Variants in MYO19 observed in about 807,000 individuals in gnomAD.
MYO19 encodes myosin XIX.
In MYO19, 132 loss-of-function variants were observed where a neutral mutation model predicts 129.2. The observed-to-expected ratio is 1.02, with a 90% CI of 0.89 to 1.18. The LOEUF (loss-of-function observed/expected upper bound fraction) is 1.18, where lower values mean the gene tolerates loss of function less well. Among genes scored for constraint, MYO19 ranks in the 50% most tolerant of loss-of-function variants. The pLI is 0.00. For missense variants in MYO19, 1,210 were observed against 1,216.7 expected (o/e 0.99, Z 0.08); for synonymous variants, 531 against 477.2 (o/e 1.11, Z -1.47).
intron 9 of MYO19, 41 bp downstream of exon 9, chr17:36,514,403 CCT>C (rs946613002): frequency 7.7e-7 from 1 of 1,297,862 alleles, no homozygotes; most frequent in South Asian, 1.2e-5. Context: ...CGGACCCATC[CCT>C]GTCTCGCATC....
intron 1 of MYO19, chr17:36,543,105 T>A (rs534076684): frequency 2.0e-5 from 3 of 152,158 alleles, no homozygotes; most frequent in Non-Finnish European, 4.4e-5. Context: ...ACATACGTAT[T>A]AGATTCAAGC....
chr17:36,509,150 G>C lies in MYO19; in HGVS notation c.1158-15C>G. The stretch of plus-strand genomic sequence containing the variant: ...AGTCAAACAACCTGTTGGGGGAAGA[G>C]AGTGGACTCTGGTAAGAGGGTCTGG... On this transcript the variant is annotated splice_polypyrimidine_tract_variant and intron_variant, in intron 13 of 25. Transcript: ENST00000614623. 6.2e-7 allele frequency: 1 copy of C among 1,613,012 alleles called. No homozygotes were observed. Among genetic ancestry groups the C allele is most frequent in the Non-Finnish European group, 8.5e-7 (1 of 1,179,274 alleles).
chr17:36,523,778 A>G (rs1222369151), intron 6 of MYO19, among the ~76,000 whole-genome samples: 1 of 152,188 alleles, frequency 6.6e-6, no homozygotes, highest in Non-Finnish European at 1.5e-5. Context: ...AAGTGAACAG[A>G]TAAGGTCCAA....
rs757841666 is a variant in MYO19, at chr17:36,507,965, G to A, written c.1232-41C>T. 5 of 1,548,886 alleles carry A rather than the reference G, an allele frequency of 3.2e-6. No individual in the cohort carries two copies. In the Admixed American group the frequency reaches 5.8e-5, roughly 18 times the overall value. ...AGAACCCATGGGGCCACTGCAGGGA[G>A]CAGATGGGGAATAGGGGACCAAGGA... On this transcript the variant is annotated intron_variant, in intron 14 of 25. Transcript: ENST00000614623.
chr17:36,503,096 C>G lies in MYO19; in HGVS notation c.2080+1G>C, dbSNP rs1466159382. The G allele has an allele frequency of 4.3e-6, 7 of 1,613,080 alleles. No homozygotes were observed. The highest frequency in any genetic ancestry group is 5.9e-6 in the Non-Finnish European group (7 of 1,179,136). On this transcript the variant is annotated splice_donor_variant, in intron 21 of 25. Transcript: ENST00000614623. LOFTEE classifies it high-confidence loss of function. ...ATGACTAACTCATGGGTCCCACTCA[C>G]CAGGGAGCCCTTTGGCAGGATATGG...
In MYO19 at chr17:36,511,406, T is replaced by A. The variant is rs1236663365; in HGVS notation, c.944A>T (p.Glu315Val). The change falls in exon 12 of 26, where the codon GAG (glutamate) becomes GTG (valine). Residue 315 changes from glutamate (E) to valine (V), a missense_variant. Glu to Val is a moderately radical substitution (Grantham distance 121). Coordinates refer to ENST00000614623, the MANE Select transcript of MYO19 (RefSeq NM_001163735.2). ...CGGCTGGCAGGGCTGGGCTTCATCCTCGGAGGCAGCAAACTGGATATTGCC... is the reference window on the plus strand; with the variant it reads ...CGGCTGGCAGGGCTGGGCTTCATCCACGGAGGCAGCAAACTGGATATTGCC... ...HLGNIQFAAS[E>V]DEAQPCQPMD... 8 of 1,575,338 alleles carry A rather than the reference T, an allele frequency of 5.1e-6. No homozygotes were observed. In the Admixed American group the frequency reaches 7.4e-5, roughly 15 times the overall value.
Position 36,505,354 on chromosome 17 carries a change from G to A in MYO19, c.1848C>T (p.Tyr616=), listed in dbSNP as rs757506217. 4.3e-6 allele frequency: 7 copies of A among 1,614,164 alleles called. No homozygotes were observed. The South Asian group carries it at 6.6e-5, about 15-fold the overall frequency. ...LQVLHSTTPH[Y]IRCIKPNSQG... ...GGCTGTTGGGCTTGATGCAGCGAAT[G>A]TAGTGGGGCGTGGTGCTGTGTAGGA... The change falls in exon 19 of 26, where the codon TAC becomes TAT. Residue 616 remains tyrosine (Y), a synonymous_variant. Transcript: ENST00000614623.
At chr17:36,504,048 A>C in intron 19 of MYO19, 28 bp from the exon 20 acceptor site, 3 of 1,528,600 alleles carry the variant, frequency 2.0e-6, no homozygotes, top group Non-Finnish European at 2.6e-6. Flanking sequence ...CAGGGCAGGC[A>C]CCTGCAGCAT....
At chr17:36,510,379 A>T (rs1461573366) in intron 13 of MYO19, among the ~76,000 whole-genome samples, 1 of 152,254 alleles carries the variant, frequency 6.6e-6, no homozygotes, top group Non-Finnish European at 1.5e-5. Flanking sequence ...CATTCAGCCA[A>T]GGATCTGAAG....
In MYO19 at chr17:36,496,398, T is replaced by G. The variant is rs1245992556; in HGVS notation, c.2766A>C (p.Ile922=). 6.2e-7 allele frequency: 1 copy of G among 1,613,908 alleles called. No homozygotes were observed. Among genetic ancestry groups the G allele is most frequent in the Non-Finnish European group, 8.5e-7 (1 of 1,179,858 alleles). ...TSIRALPQGS[I]KFHCRKSPLR... The stretch of plus-strand genomic sequence containing the variant: ...GTGGAGACTTTCTGCAGTGAAACTT[T>G]ATCGATCCCTAGAGGGGAGAGAGAG... The change falls in exon 26 of 26, where the codon ATA becomes ATC. Residue 922 remains isoleucine, a synonymous_variant. Coordinates refer to ENST00000614623, the MANE Select transcript of MYO19 (RefSeq NM_001163735.2).
At chr17:36,513,348 C>T in intron 11 of MYO19, 81 bp downstream of exon 11, 1 of 1,611,682 alleles carries the variant, frequency 6.2e-7, no homozygotes, top group South Asian at 1.1e-5. Flanking sequence ...GAAAGACCAA[C>T]TCCAAGTCCA....
In MYO19 at chr17:36,527,583, T is replaced by C. The variant is rs1488750282; in HGVS notation, c.268A>G (p.Met90Val). Reference sequence around the variant, plus strand: ...TGAGGCGCAGCATGGTACTCTCTCATTAGCTCGGGCGAGTAGAGCTGAGGA... The same window carrying C: ...TGAGGCGCAGCATGGTACTCTCTCACTAGCTCGGGCGAGTAGAGCTGAGGA... Reference protein sequence around the residue: ...PVPQLYSPELMREYHAAPQPQ... With the variant: ...PVPQLYSPELVREYHAAPQPQ... Residue 90 changes from methionine to valine, a missense_variant, in exon 5 of 26, where the codon ATG (methionine) becomes GTG (valine). Physicochemically the swap from Met to Val is conservative, Grantham distance 21 (BLOSUM62 1). Coordinates refer to ENST00000614623, the MANE Select transcript of MYO19 (RefSeq NM_001163735.2). 6.2e-7 allele frequency: 1 copy of C among 1,613,856 alleles called. No homozygotes were observed. The highest frequency in any genetic ancestry group is 1.7e-5 in the Admixed American group (1 of 60,002).
In MYO19 at chr17:36,527,603, T is replaced by G; in HGVS notation, c.248A>C (p.Gln83Pro). Residue 83 changes from glutamine (Q) to proline (P), a missense_variant, in exon 5 of 26, where the codon CAG becomes CCG. Transcript: ENST00000614623. ...VALNPFKPVP[Q>P]LYSPELMREY... ...TCTCATTAGCTCGGGCGAGTAGAGC[T>G]GAGGAACAGGCTTGAAGGGGTTCAA... 1 of 1,613,946 alleles carries G rather than the reference T, an allele frequency of 6.2e-7. No individual in the cohort carries two copies. Among genetic ancestry groups the G allele is most frequent in the South Asian group, 1.1e-5 (1 of 91,068 alleles).
Position 36,500,814 on chromosome 17 carries a change from T to C in MYO19, c.2377+16A>G, listed in dbSNP as rs1283317723. ...GGGGTCTGTGAGCAGTGCTGACAGG[T>C]GACCTGCCCACCTACCTGCCTGGAT... On this transcript the variant is annotated intron_variant, in intron 23 of 25. Transcript: ENST00000614623. The C allele has an allele frequency of 2.5e-6, 4 of 1,594,530 alleles. No individual in the cohort carries two copies. Among genetic ancestry groups the C allele is most frequent in the Non-Finnish European group, 3.4e-6 (4 of 1,175,186 alleles).
At chr17:36,512,699 C>T (rs902365404) in intron 11 of MYO19, 6 of 1,289,090 alleles carry the variant, frequency 4.7e-6, no homozygotes, top group Non-Finnish European at 6.1e-6. Context: ...GTGAGGGTCA[C>T]TTTCCACTGC....
In MYO19 at chr17:36,498,723, A is replaced by G. The variant is rs143414798; in HGVS notation, c.2464-164T>C. The G allele has an allele frequency of 5.8e-5, 41 of 711,114 alleles. No homozygotes were observed. In the East Asian group the frequency reaches 1.1e-3, roughly 19 times the overall value. 44.1% of individuals were successfully genotyped at this position (711,114 alleles called of 1,614,324 possible). ...AACCAAACTGGTTCCATATGCCACA[A>G]GTCTATACACCCCAGGCAACTGTGC... is the stretch of plus-strand genomic sequence containing the variant. On this transcript the variant is annotated intron_variant, in intron 24 of 25. Coordinates refer to ENST00000614623, the MANE Select transcript of MYO19 (RefSeq NM_001163735.2).
chr17:36,514,141 T>C (rs2072568811), intron 9 of MYO19, among the ~76,000 whole-genome samples: 2 of 152,070 alleles, frequency 1.3e-5, no homozygotes, highest in Admixed American at 1.3e-4. Context: ...CAGATGCCAT[T>C]CTAGGAGAGC....
At chr17:36,500,990 C>T in intron 22 of MYO19, 31 bp from the exon 23 acceptor site, 2 of 1,606,176 alleles carry the variant, frequency 1.2e-6, no homozygotes, top group Non-Finnish European at 1.7e-6. Context: ...TGAGGGCAGC[C>T]TCTTCTCCCC....
In MYO19 at chr17:36,503,197, G is replaced by A. The variant is rs757752495; in HGVS notation, c.1980C>T (p.Val660=). Residue 660 remains valine, a synonymous_variant, in exon 21 of 26, where the codon GTC becomes GTT. Transcript: ENST00000614623. ...HISAAGFPIR[V]SHRNFVERYK... ...ATCGTTCTACAAAGTTTCGGTGAGA[G>A]ACCCTGGAGGCCAAAGCAGGCAGAA... 1 of 1,613,680 alleles carries A rather than the reference G, an allele frequency of 6.2e-7. No individual in the cohort carries two copies.
Sources: gnomAD v4.1 joint callset for allele counts (sites outside exome capture counted in the v4.1 genomes callset) on GRCh38, gnomAD v4.1.1 for gene constraint, MANE v1.5 for transcripts, NCBI Gene and HGNC (gene_info 2026-07-23, HGNC 2026-07-21) for gene names.